TRIT1: variants seen among roughly 807,000 people sequenced by gnomAD.
The protein encoded by TRIT1 is tRNA isopentenyltransferase 1, also known as tRNA dimethylallyltransferase.
TRIT1 carries 43 observed loss-of-function variants against 51.2 expected under a neutral mutation model. The ratio of observed to expected loss-of-function variants is 0.84; its 90% CI spans 0.66 to 1.08. TRIT1 has a LOEUF of 1.08. TRIT1 is among the 50% of genes least tolerant of loss of function. The pLI is 0.00. For synonymous variants in TRIT1, 184 were observed against 203.9 expected (o/e 0.90, Z 0.83); for missense variants, 528 against 578.4 (o/e 0.91, Z 0.89).
At chr1:39,845,070 C>T (rs1405981427) in intron 8 of TRIT1, among the ~76,000 whole-genome samples, 2 of 152,238 alleles carry the variant, frequency 1.3e-5, no homozygotes, top group East Asian at 1.9e-4. Context: ...AGATACTAGT[C>T]TCGGGTTTGC....
rs1470755221 is a variant in TRIT1 at position 39,881,831 on chromosome 1, T to C, written c.174+1487A>G. Among the ~76,000 whole-genome samples the C allele has an allele frequency of 2.0e-5, 3 of 152,236 alleles. No individual in the cohort carries two copies. In the East Asian group the frequency reaches 5.8e-4, roughly 29 times the overall value. ...ATTCTATAATACTTGTCATAAAATC[T>C]AGCATCTGTAGTCTCTCTCCTCCCA... is the stretch of plus-strand genomic sequence containing the variant. On this transcript the variant is annotated intron_variant, in intron 1 of 10. Transcript: ENST00000316891.
chr1:39,852,622 T>G (rs961612269), intron 4 of TRIT1, 109 bp downstream of exon 4: 30 of 1,356,466 alleles, frequency 2.2e-5, no homozygotes, highest in Non-Finnish European at 2.9e-5. Flanking sequence ...AACACATCAA[T>G]CTCCACTAAC....
intron 2 of TRIT1, among the ~76,000 whole-genome samples, chr1:39,855,875 C>T (rs1374837510): frequency 1.3e-5 from 2 of 152,092 alleles, no homozygotes; most frequent in South Asian, 2.1e-4. Flanking sequence ...CTTCACCTGT[C>T]GAATCAAGAA....
At chr1:39,873,645 G>T (rs1015964580) in intron 1 of TRIT1, among the ~76,000 whole-genome samples, 5 of 152,166 alleles carry the variant, frequency 3.3e-5, no homozygotes, top group Non-Finnish European at 5.9e-5. Flanking sequence ...GTACCATGAT[G>T]ATGTAAGATA....
chr1:39,852,188 C>T (rs1642619141), intron 4 of TRIT1, among the ~76,000 whole-genome samples: 1 of 152,068 alleles, frequency 6.6e-6, no homozygotes. Context: ...CCTAATACTG[C>T]AGAAAAATAA....
At chr1:39,857,501 C>T in intron 1 of TRIT1, 84 bp from the exon 2 acceptor site, 2 of 1,485,304 alleles carry the variant, frequency 1.3e-6, no homozygotes, top group South Asian at 2.6e-5. Flanking sequence ...TGATCTATTT[C>T]TCCCTCCTGC....
At chr1:39,869,251 C>T (rs937243880) in intron 1 of TRIT1, among the ~76,000 whole-genome samples, 26 of 152,168 alleles carry the variant, frequency 1.7e-4, no homozygotes, top group African/African-American at 5.8e-4. Flanking sequence ...TGCAGGCGCA[C>T]GCCGCCACGC....
chr1:39,880,784 G>C (rs1015932806), intron 1 of TRIT1, among the ~76,000 whole-genome samples: 1 of 148,238 alleles, frequency 6.7e-6, no homozygotes, highest in African/African-American at 2.5e-5. Flanking sequence ...GGGCGACAGA[G>C]CAAGACTCCG....
At position 39,847,529 on chromosome 1, in the gene TRIT1, T is replaced by C; in HGVS notation, c.928+19A>G. On this transcript the variant is annotated intron_variant, in intron 7 of 10. Coordinates refer to ENST00000316891, the MANE Select transcript of TRIT1 (RefSeq NM_017646.6). The stretch of plus-strand genomic sequence containing the variant: ...CACCCAAAGATGTCCAAGACTAGAT[T>C]AGATGGAAGAATTCACACCTTTCTT... 1.2e-6 allele frequency: 2 copies of C among 1,612,850 alleles called. No homozygotes were observed. Among genetic ancestry groups the C allele is most frequent in the Non-Finnish European group, 1.7e-6 (2 of 1,178,798 alleles).
chr1:39,852,869 T>A lies in TRIT1; in HGVS notation c.422A>T (p.Glu141Val). 1 of 1,614,180 alleles carries A rather than the reference T, an allele frequency of 6.2e-7. No homozygotes were observed. The highest frequency in any genetic ancestry group is 1.1e-5 in the South Asian group (1 of 91,076). Residue 141 changes from glutamate to valine, a missense_variant, in exon 4 of 11, where the codon GAG (glutamate) becomes GTG (valine). Transcript: ENST00000316891. The part of the protein sequence containing the change: ...WKVLVNTKPQ[E>V]MGTEKVIDRK... ...GTCAATCACTTTCTCAGTGCCCATCTCCTGGGGCTATTAAATGATGGTTTA... is the reference window on the plus strand; with the variant it reads ...GTCAATCACTTTCTCAGTGCCCATCACCTGGGGCTATTAAATGATGGTTTA...
In TRIT1 at chr1:39,838,482, C is replaced by T. The variant is rs1652456364; in HGVS notation, c.*3262G>A. Reference sequence around the variant, plus strand: ...GGGAGGGGGTTGTTAGTTTTATTTTCTTTTTGAGCAACATGGTCTTGCTCT... The same window carrying T: ...GGGAGGGGGTTGTTAGTTTTATTTTTTTTTTGAGCAACATGGTCTTGCTCT... On this transcript the variant is annotated 3_prime_UTR_variant, in exon 11 of 11. Transcript: ENST00000316891. Among the ~76,000 whole-genome samples, 1 of 151,822 alleles carries T rather than the reference C, an allele frequency of 6.6e-6. No homozygotes were observed. The highest frequency in any genetic ancestry group is 1.5e-5 in the Non-Finnish European group (1 of 67,956).
chr1:39,857,033 G>A (rs1311486010), intron 2 of TRIT1, among the ~76,000 whole-genome samples: 2 of 152,186 alleles, frequency 1.3e-5, no homozygotes, highest in African/African-American at 2.4e-5. Context: ...GGTCTGGAGT[G>A]GGGCCCAAGA....
intron 1 of TRIT1, among the ~76,000 whole-genome samples, chr1:39,863,402 G>C (rs986268925): frequency 6.6e-6 from 1 of 152,168 alleles, no homozygotes; most frequent in African/African-American, 2.4e-5. Context: ...CAAGGCTATA[G>C]TGAGCTAAAA....
At chr1:39,849,006 CT>C (rs986957883) in intron 5 of TRIT1, among the ~76,000 whole-genome samples, 1 of 151,806 alleles carries the variant, frequency 6.6e-6, no homozygotes, top group Non-Finnish European at 1.5e-5. Flanking sequence ...GAAAAATTAC[CT>C]TTTTTATCAA....
rs1642319799 is a variant in TRIT1 at position 39,847,804 on chromosome 1, C to G, written c.816-144G>C. The G allele has an allele frequency of 4.0e-6, 6 of 1,483,398 alleles. No homozygotes were observed. The East Asian group carries it at 1.4e-4, about 35-fold the overall frequency. 91.9% of individuals were successfully genotyped at this position (1,483,398 alleles called of 1,614,324 possible). On this transcript the variant is annotated intron_variant, in intron 6 of 10. Coordinates refer to ENST00000316891, the MANE Select transcript of TRIT1 (RefSeq NM_017646.6). ...GTTACTGATTCTCTGAAATTTTCCC[C>G]TCCCCTACCCACCAGGTTACTTTCT...
chr1:39,847,797 T>A (rs771565614), intron 6 of TRIT1, 137 bp from the exon 7 acceptor site: 44 of 1,511,820 alleles, frequency 2.9e-5, no homozygotes, highest in Non-Finnish European at 3.6e-5. Context: ...TTCTCTGAAA[T>A]TTTCCCCTCC....
rs74067813 is a variant in TRIT1 at position 39,878,260 on chromosome 1, A to C, written c.174+5058T>G. On this transcript the variant is annotated intron_variant, in intron 1 of 10. Coordinates refer to ENST00000316891, the MANE Select transcript of TRIT1 (RefSeq NM_017646.6). Reference sequence around the variant, plus strand: ...GATGGCTACAGAAGCAAGTCACTGCATATCAGGCTACATGAAGAAATGATC... The same window carrying C: ...GATGGCTACAGAAGCAAGTCACTGCCTATCAGGCTACATGAAGAAATGATC... Among the ~76,000 whole-genome samples, 452 of 152,354 alleles carry C rather than the reference A, an allele frequency of 3.0e-3. 4 individuals are homozygous for C. The highest frequency in any genetic ancestry group is 0.011 in the African/African-American group (439 of 41,578).
intron 1 of TRIT1, among the ~76,000 whole-genome samples, chr1:39,870,689 T>C (rs1274945163): frequency 6.6e-6 from 1 of 151,638 alleles, no homozygotes; most frequent in Non-Finnish European, 1.5e-5. Context: ...GAATTCTCAT[T>C]CACTACTGGG....
intron 1 of TRIT1, among the ~76,000 whole-genome samples, chr1:39,881,233 A>C (rs1644254966): frequency 6.6e-6 from 1 of 151,644 alleles, no homozygotes; most frequent in African/African-American, 2.4e-5. Context: ...TCTCCAAAAA[A>C]AAAAAAAAAA....
Sources: gnomAD v4.1 joint callset for allele counts (sites outside exome capture counted in the v4.1 genomes callset) on GRCh38, gnomAD v4.1.1 for gene constraint, MANE v1.5 for transcripts, NCBI Gene and HGNC (gene_info 2026-07-23, HGNC 2026-07-21) for gene names.